The following KCNIP1 variants were observed in gnomAD, a reference collection of about 807,000 sequenced individuals.
KCNIP1 encodes A-type potassium channel modulatory protein KCNIP1.
KCNIP1 carries 18 observed loss-of-function variants against 33.0 expected under a neutral mutation model. That is an observed-to-expected ratio of 0.55 (90% CI 0.38 to 0.81). The LOEUF (loss-of-function observed/expected upper bound fraction) is 0.81. Among genes scored for constraint, KCNIP1 ranks in the 30% least tolerant of loss-of-function variants. The pLI, the probability that KCNIP1 is intolerant of heterozygous loss-of-function variation, is 0.00. For missense variants in KCNIP1, 238 were observed against 271.6 expected (o/e 0.88, Z 0.87); for synonymous variants, 93 against 98.3 (o/e 0.95, Z 0.32).
chr5:170,381,182 A>G lies in KCNIP1; in HGVS notation c.88+27218A>G, dbSNP rs142239904. ...GGGCCTGTTTGGCAAGACACTGGGC[A>G]GGAATTCACTCTTCATGGCCAAACC... is the stretch of plus-strand genomic sequence containing the variant. On this transcript the variant is annotated intron_variant, in intron 1 of 7. Coordinates refer to the KCNIP1 transcript ENST00000377360. Among the ~76,000 whole-genome samples the G allele has an allele frequency of 2.1e-3, 313 of 152,280 alleles. 1 individual carries two copies. The highest frequency in any genetic ancestry group is 7.3e-3 in the African/African-American group (303 of 41,532).
At chr5:170,475,396 G>C (rs754997030) in intron 1 of KCNIP1, among the ~76,000 whole-genome samples, 1 of 152,210 alleles carries the variant, frequency 6.6e-6, no homozygotes, top group Non-Finnish European at 1.5e-5. Context: ...TCGGAAGCTA[G>C]TCCACTTGCT....
intron 1 of KCNIP1, among the ~76,000 whole-genome samples, chr5:170,676,531 G>A (rs1311918446): frequency 6.6e-6 from 1 of 152,174 alleles, no homozygotes; most frequent in African/African-American, 2.4e-5. Flanking sequence ...AACTTCAAGT[G>A]CAATTATTGG....
intron 1 of KCNIP1, among the ~76,000 whole-genome samples, chr5:170,451,159 C>G (rs189494302): frequency 6.6e-6 from 1 of 152,142 alleles, no homozygotes; most frequent in Non-Finnish European, 1.5e-5. Flanking sequence ...AAGACAAAAT[C>G]GAGAGCACTT....
In KCNIP1 at chr5:170,494,244, G is replaced by C. The variant is rs78395387; in HGVS notation, c.88+140280G>C. ...GTGGGCACGAATACTAATGGATCAT[G>C]CAAATGCCAGCCTAGGGCAAGAGTG... On this transcript the variant is annotated intron_variant, in intron 1 of 7. Transcript: ENST00000377360. Among the ~76,000 whole-genome samples the C allele has an allele frequency of 1.0e-3, 154 of 152,352 alleles. 1 individual carries two copies. In the East Asian group the frequency reaches 0.016, roughly 16 times the overall value.
chr5:170,578,313 A>G (rs182130191), intron 1 of KCNIP1, among the ~76,000 whole-genome samples: 6 of 152,316 alleles, frequency 3.9e-5, no homozygotes, highest in African/African-American at 1.4e-4. Flanking sequence ...GTGAGATTCA[A>G]AGAGTCTGAG....
intron 1 of KCNIP1, among the ~76,000 whole-genome samples, chr5:170,541,153 C>CTA (rs1397340011): frequency 6.6e-6 from 1 of 152,306 alleles, no homozygotes; most frequent in South Asian, 2.1e-4. Flanking sequence ...GGTTTCCCAT[C>CTA]TATAAAATGG....
At chr5:170,368,661 A>G (rs1300312864) in intron 1 of KCNIP1, among the ~76,000 whole-genome samples, 1 of 152,242 alleles carries the variant, frequency 6.6e-6, no homozygotes, top group Non-Finnish European at 1.5e-5. Context: ...CTAAATACAC[A>G]TCTTCAATCA....
intron 1 of KCNIP1, chr5:170,485,992 T>C: frequency 6.6e-6 from 1 of 152,470 alleles, no homozygotes. Context: ...TAAAATGGCC[T>C]GTCCCAAACA....
chr5:170,391,102 G>A (rs774726057), intron 1 of KCNIP1, among the ~76,000 whole-genome samples: 6 of 152,160 alleles, frequency 3.9e-5, no homozygotes, highest in Non-Finnish European at 5.9e-5. Context: ...GATTGACAGA[G>A]GGATGTAGGA....
intron 1 of KCNIP1, among the ~76,000 whole-genome samples, chr5:170,442,662 AC>A (rs1293794558): frequency 6.6e-6 from 1 of 151,874 alleles, no homozygotes. Context: ...AGAAGACATC[AC>A]CCCACTTGAG....
chr5:170,671,583 T>A (rs1282116218), intron 1 of KCNIP1, among the ~76,000 whole-genome samples: 4 of 152,302 alleles, frequency 2.6e-5, no homozygotes, highest in Non-Finnish European at 4.4e-5. Flanking sequence ...AATCACGGCT[T>A]ATATGATATA....
chr5:170,665,075 G>A (rs964183051), intron 1 of KCNIP1, among the ~76,000 whole-genome samples: 1 of 152,188 alleles, frequency 6.6e-6, no homozygotes, highest in Non-Finnish European at 1.5e-5. Context: ...GCGGGGAATG[G>A]AAGCCCGAAC....
intron 1 of KCNIP1, among the ~76,000 whole-genome samples, chr5:170,479,617 A>G (rs188504899): frequency 2.4e-3 from 366 of 152,178 alleles, no homozygotes; most frequent in Non-Finnish European, 3.8e-3. Flanking sequence ...ACATACCCCA[A>G]GGAAAAATGT....
chr5:170,440,830 C>T (rs1244294488), intron 1 of KCNIP1, among the ~76,000 whole-genome samples: 2 of 152,124 alleles, frequency 1.3e-5, no homozygotes, highest in African/African-American at 2.4e-5. Flanking sequence ...AGCTGTAAGG[C>T]AATGGAAAAG....
At chr5:170,536,790 G>C (rs139926054) in intron 1 of KCNIP1, among the ~76,000 whole-genome samples, 4 of 152,152 alleles carry the variant, frequency 2.6e-5, no homozygotes, top group Non-Finnish European at 4.4e-5. Flanking sequence ...TCTCTGTCTA[G>C]AGCAGAGGAC....
At chr5:170,402,817 C>A (rs554363701) in intron 1 of KCNIP1, among the ~76,000 whole-genome samples, 11 of 152,202 alleles carry the variant, frequency 7.2e-5, no homozygotes, top group African/African-American at 2.4e-4. Context: ...GCCACGGCTG[C>A]CACAGTGTCA....
chr5:170,720,455 C>T, intron 3 of KCNIP1, 65 bp downstream of exon 3: 1 of 1,242,936 alleles, frequency 8.0e-7, no homozygotes, highest in Non-Finnish European at 1.2e-6. Flanking sequence ...TCCCTTCCTC[C>T]AAGTCCTCTC....
At chr5:170,377,215 C>T (rs753079449) in intron 1 of KCNIP1, 5 of 152,214 alleles carry the variant, frequency 3.3e-5, no homozygotes, top group Non-Finnish European at 5.9e-5. Flanking sequence ...TTCTCTGGCT[C>T]GAGGTGTGCC....
At chr5:170,614,754 T>TC (rs1759302230) in intron 1 of KCNIP1, among the ~76,000 whole-genome samples, 1 of 152,228 alleles carries the variant, frequency 6.6e-6, no homozygotes, top group African/African-American at 2.4e-5. Context: ...AAGCCTCCCA[T>TC]CCACCTTCAG....
Sources: gnomAD v4.1 joint callset for allele counts (sites outside exome capture counted in the v4.1 genomes callset) on GRCh38, gnomAD v4.1.1 for gene constraint, MANE v1.5 for transcripts, NCBI Gene and HGNC (gene_info 2026-07-23, HGNC 2026-07-21) for gene names.